PRMT8: variants seen among roughly 807,000 people sequenced by gnomAD.
PRMT8 encodes protein arginine methyltransferase 8.
PRMT8 carries 7 observed loss-of-function variants against 47.1 expected under a neutral mutation model. That is an observed-to-expected ratio of 0.15 (90% CI 0.08 to 0.28). The LOEUF is 0.28. Among genes scored for constraint, PRMT8 ranks in the 10% least tolerant of loss-of-function variants. The pLI is 1.00. For synonymous variants in PRMT8, 188 were observed against 186.5 expected (o/e 1.01, Z -0.07); for missense variants, 237 against 505.4 (o/e 0.47, Z 5.09).
At position 3,540,632 on chromosome 12, in the gene PRMT8, C is replaced by CCCCCCCCCCCCCCCCCCCCT; in HGVS notation, c.103_104insCCCCCCCCCCCCCCCCCCTC (p.Gln35ProfsTer38). On this transcript the variant is annotated frameshift_variant, in exon 2 of 10. Coordinates refer to ENST00000382622, the MANE Select transcript of PRMT8 (RefSeq NM_019854.5). LOFTEE classifies it high-confidence loss of function. ...TGAACAGCCCCCCCTCCCAGCCCCC[C>CCCCCCCCCCCCCCCCCCCCT]CAGCCCGTCGTCCCTGCTAAGCCCG... 1.9e-6 allele frequency: 3 copies of CCCCCCCCCCCCCCCCCCCCT among 1,582,664 alleles called. No homozygotes were observed. Among genetic ancestry groups the CCCCCCCCCCCCCCCCCCCCT allele is most frequent in the Non-Finnish European group, 1.7e-6 (2 of 1,152,684 alleles).
At chr12:3,551,757 A>C (rs1183612041) in intron 3 of PRMT8, 1 of 152,188 alleles carries the variant, frequency 6.6e-6, no homozygotes, top group African/African-American at 2.4e-5. Flanking sequence ...CCTTCCACCC[A>C]CTGCTGTCCT....
At position 3,583,083 on chromosome 12, in the gene PRMT8, C is replaced by T. The variant is rs1272004737; in HGVS notation, c.854C>T (p.Thr285Met). 6.8e-6 allele frequency: 11 copies of T among 1,613,858 alleles called. No individual in the cohort carries two copies. The highest frequency in any genetic ancestry group is 6.7e-5 in the East Asian group (3 of 44,878). Residue 285 changes from threonine to methionine, a missense_variant, in exon 8 of 10, where the codon ACG (threonine) becomes ATG (methionine). Coordinates refer to ENST00000382622, the MANE Select transcript of PRMT8 (RefSeq NM_019854.5). This position sits in a 1 kb window ranked among gnomAD's most constrained non-coding sequence, Gnocchi z 4.7. ...IKEVDIYTVK[T>M]EELSFTSAFC... ...GAGGTGGACATTTACACAGTGAAGACGGAAGAGCTATCGTTCACATCTGCA... is the reference window on the plus strand; with the variant it reads ...GAGGTGGACATTTACACAGTGAAGATGGAAGAGCTATCGTTCACATCTGCA...
chr12:3,512,068 G>C (rs571274073), intron 1 of PRMT8, among the ~76,000 whole-genome samples: 15 of 152,246 alleles, frequency 9.9e-5, no homozygotes, highest in African/African-American at 3.4e-4. Context: ...ACTTTCCTTT[G>C]ATGTGGCTCT....
In PRMT8 at chr12:3,491,439, G is replaced by A. The variant is rs956678810; in HGVS notation, c.-187G>A. ...GAATCCGGAGCAGATGAGAAGGGAG[G>A]AAAATAAAAGAAAGTGGAGACTGCA... On this transcript the variant is annotated 5_prime_UTR_variant, in exon 1 of 10. Coordinates refer to ENST00000382622, the MANE Select transcript of PRMT8 (RefSeq NM_019854.5). 46 of 1,381,236 alleles carry A rather than the reference G, an allele frequency of 3.3e-5. No homozygotes were observed. The highest frequency in any genetic ancestry group is 4.1e-5 in the Non-Finnish European group (44 of 1,068,196). The allele number at this position is 1,381,236 out of a possible 1,614,324, so 85.6% of individuals were successfully genotyped here. A position where few individuals can be genotyped will look rare whatever the true frequency, so the allele number is the denominator to read the frequency against.
intron 1 of PRMT8, among the ~76,000 whole-genome samples, chr12:3,397,504 C>T (rs1226105746): frequency 1.3e-5 from 2 of 150,952 alleles, no homozygotes; most frequent in African/African-American, 2.4e-5. Flanking sequence ...CTGGGGGGTG[C>T]CTCCCAGTTA....
chr12:3,497,108 A>G (rs530582958), intron 1 of PRMT8, among the ~76,000 whole-genome samples: 1 of 152,192 alleles, frequency 6.6e-6, no homozygotes, highest in Non-Finnish European at 1.5e-5. Context: ...CTGTAAAAAC[A>G]GTCCTTACAC....
At chr12:3,555,279 G>A (rs1427364014) in intron 4 of PRMT8, among the ~76,000 whole-genome samples, 2 of 152,230 alleles carry the variant, frequency 1.3e-5, no homozygotes, top group Admixed American at 1.3e-4. Flanking sequence ...GACGGAGAGA[G>A]ACCCCATGGC....
intron 2 of PRMT8, among the ~76,000 whole-genome samples, chr12:3,547,540 G>A (rs1866345930): frequency 6.6e-6 from 1 of 152,128 alleles, no homozygotes; most frequent in Non-Finnish European, 1.5e-5. Flanking sequence ...CACCTTGGGA[G>A]GCCAAGGTGG....
intron 4 of PRMT8, among the ~76,000 whole-genome samples, chr12:3,561,516 A>C (rs749520015): frequency 1.7e-4 from 26 of 151,934 alleles, no homozygotes; most frequent in Middle Eastern, 3.4e-3. Flanking sequence ...GCAGATGATC[A>C]CTCTCCTGGG....
intron 1 of PRMT8, among the ~76,000 whole-genome samples, chr12:3,426,144 G>A (rs967913788): frequency 9.8e-5 from 15 of 152,368 alleles, no homozygotes; most frequent in African/African-American, 3.6e-4. Flanking sequence ...ATGCCTGGGT[G>A]ACTGGAGGAC....
chr12:3,532,082 G>A (rs1565432877), intron 1 of PRMT8, among the ~76,000 whole-genome samples: 1 of 152,032 alleles, frequency 6.6e-6, no homozygotes, highest in Non-Finnish European at 1.5e-5. Context: ...ATCCACCAGC[G>A]ACGGCCGACA....
At chr12:3,541,324 C>T (rs1476967611) in intron 2 of PRMT8, among the ~76,000 whole-genome samples, 1 of 152,220 alleles carries the variant, frequency 6.6e-6, no homozygotes, top group Non-Finnish European at 1.5e-5. Context: ...CAGTTTACCC[C>T]ATAGCAGGGA....
At chr12:3,529,851 G>A (rs979506267) in intron 1 of PRMT8, among the ~76,000 whole-genome samples, 3 of 152,094 alleles carry the variant, frequency 2.0e-5, no homozygotes, top group African/African-American at 7.2e-5. Context: ...TATGCTCTAT[G>A]GGCTGAATCA....
chr12:3,400,327 G>T (rs1357526197), intron 1 of PRMT8, among the ~76,000 whole-genome samples: 1 of 152,090 alleles, frequency 6.6e-6, no homozygotes. Flanking sequence ...TGATAAGGAG[G>T]ATATCACCAT....
chr12:3,579,136 T>G (rs1867003908), intron 7 of PRMT8, among the ~76,000 whole-genome samples: 1 of 152,190 alleles, frequency 6.6e-6, no homozygotes, highest in East Asian at 1.9e-4. Flanking sequence ...ACAAGGCACT[T>G]CTGTAAATGT....
intron 1 of PRMT8, among the ~76,000 whole-genome samples, chr12:3,437,622 C>CTATATATATATATATATATATATA (rs57504454): frequency 7.0e-5 from 10 of 142,860 alleles, no homozygotes; most frequent in African/African-American, 2.7e-4. Flanking sequence ...TGCATTCAGG[C>CTATATATATATATATATATATATA]TATATATATA....
intron 1 of PRMT8, among the ~76,000 whole-genome samples, chr12:3,476,262 C>T (rs116012999): frequency 6.6e-6 from 1 of 152,128 alleles, no homozygotes; most frequent in African/African-American, 2.4e-5. Flanking sequence ...GAAATCTGAG[C>T]GTTTGTAACC....
At chr12:3,560,057 A>G (rs984876872) in intron 4 of PRMT8, among the ~76,000 whole-genome samples, 8 of 152,190 alleles carry the variant, frequency 5.3e-5, no homozygotes, top group African/African-American at 1.9e-4. Flanking sequence ...AGGGACCTCC[A>G]TAAAGCTGAG....
intron 1 of PRMT8, among the ~76,000 whole-genome samples, chr12:3,507,182 C>T (rs559669811): frequency 4.5e-4 from 64 of 141,994 alleles, no homozygotes; most frequent in African/African-American, 1.6e-3. Context: ...AGTGCAGTGG[C>T]GCCATCTCAG....
Sources: gnomAD v4.1 joint callset for allele counts (sites outside exome capture counted in the v4.1 genomes callset) on GRCh38, gnomAD v4.1.1 for gene constraint, Gnocchi (gnomAD v3.1) non-coding constraint, MANE v1.5 for transcripts, NCBI Gene and HGNC (gene_info 2026-07-23, HGNC 2026-07-21) for gene names.